Variants in CERT1 observed in about 807,000 individuals in gnomAD.
The protein encoded by CERT1 is ceramide transfer protein.
A neutral mutation model predicts 87.9 loss-of-function variants in CERT1; 31 were observed. That is an observed-to-expected ratio of 0.35 (90% confidence interval 0.27 to 0.48). The LOEUF (loss-of-function observed/expected upper bound fraction) is 0.48. Ranked by LOEUF, CERT1 falls within the 20% of genes least tolerant of loss-of-function variation. The pLI, the probability that CERT1 is intolerant of heterozygous loss-of-function variation, is 0.99. For missense variants in CERT1, 487 were observed against 758.0 expected, an observed-to-expected ratio of 0.64 and a Z score of 4.20; for synonymous variants, 289 against 250.9, an observed-to-expected ratio of 1.15 and a Z score of -1.44.
chr5:75,479,580 G>A (rs1050471428), intron 2 of CERT1, among the ~76,000 whole-genome samples: 4 of 152,064 alleles, frequency 2.6e-5, no homozygotes, highest in Admixed American at 2.6e-4. Flanking sequence ...AAGGATAATA[G>A]TCTCCAGCTC....
chr5:75,444,054 C>G (rs1764431875), intron 3 of CERT1, among the ~76,000 whole-genome samples: 1 of 152,070 alleles, frequency 6.6e-6, no homozygotes, highest in African/African-American at 2.4e-5. Context: ...GTCATATAGA[C>G]AGCATATAGT....
At chr5:75,477,807 G>A (rs533774093) in intron 2 of CERT1, among the ~76,000 whole-genome samples, 2 of 152,048 alleles carry the variant, frequency 1.3e-5, no homozygotes, top group South Asian at 4.1e-4. Flanking sequence ...AACTATATGA[G>A]TAGAGCTAAT....
chr5:75,381,317 T>A, intron 15 of CERT1, 116 bp from the exon 16 acceptor site: 1 of 1,166,320 alleles, frequency 8.6e-7, no homozygotes, highest in East Asian at 2.4e-5. Context: ...TCCAGTGAAA[T>A]CTTATAAGCA....
chr5:75,450,504 A>C (rs1764728596), intron 3 of CERT1, among the ~76,000 whole-genome samples: 1 of 152,190 alleles, frequency 6.6e-6, no homozygotes, highest in Non-Finnish European at 1.5e-5. Flanking sequence ...CATAGGGGAA[A>C]CTTACTTCCT....
intron 2 of CERT1, among the ~76,000 whole-genome samples, chr5:75,492,020 G>A (rs184811834): frequency 3.9e-5 from 6 of 152,162 alleles, no homozygotes; most frequent in Non-Finnish European, 7.4e-5. Flanking sequence ...ACATGTCATA[G>A]TTGCTCAGTC....
At chr5:75,435,695 G>T (rs973487078) in intron 3 of CERT1, among the ~76,000 whole-genome samples, 1 of 152,170 alleles carries the variant, frequency 6.6e-6, no homozygotes, top group African/African-American at 2.4e-5. Flanking sequence ...GGGGGCCAAG[G>T]CTTAGTTCAG....
rs1218894293 is a variant in CERT1, at chr5:75,436,662, T to A, written c.349-10184A>T. On this transcript the variant is annotated intron_variant, in intron 3 of 16. Transcript: ENST00000643780. ...GATTCATTTCTAAGCAAAATTGGAATGTCTTTTGAAATATAATAATACCCC... is the reference window on the plus strand; with the variant it reads ...GATTCATTTCTAAGCAAAATTGGAAAGTCTTTTGAAATATAATAATACCCC... 2.6e-5 allele frequency among the ~76,000 whole-genome samples: 4 copies of A among 152,246 alleles called. No individual in the cohort carries two copies. The East Asian group carries it at 7.7e-4, about 29-fold the overall frequency.
intron 6 of CERT1, among the ~76,000 whole-genome samples, 173 bp from the exon 7 acceptor site, chr5:75,417,206 A>C (rs1462757645): frequency 2.0e-5 from 3 of 152,176 alleles, no homozygotes; most frequent in African/African-American, 7.2e-5. Flanking sequence ...TAAGCAAAGA[A>C]GCTTCGTGGC....
chr5:75,398,694 G>A (rs1026305393), intron 11 of CERT1, among the ~76,000 whole-genome samples: 2 of 152,112 alleles, frequency 1.3e-5, no homozygotes, highest in Non-Finnish European at 2.9e-5. Context: ...TTTAGAGACC[G>A]CAAGCATCCA....
intron 2 of CERT1, among the ~76,000 whole-genome samples, chr5:75,479,965 C>A (rs1766154659): frequency 2.0e-5 from 3 of 152,092 alleles, no homozygotes; most frequent in Admixed American, 2.0e-4. Flanking sequence ...TGTTTTTTGA[C>A]TTTTTAATAA....
Position 75,423,625 on chromosome 5 carries a change from T to C in CERT1, c.595+1736A>G, listed in dbSNP as rs1763480789. ...ATATGACGGTGTATGCCTGTAGTCC[T>C]AGCCAGTTCGGAAGTTGAGGCAGGA... On this transcript the variant is annotated intron_variant, in intron 5 of 16. Coordinates refer to ENST00000643780, the MANE Select transcript of CERT1 (RefSeq NM_001379029.1). 2.0e-5 allele frequency among the ~76,000 whole-genome samples: 3 copies of C among 152,250 alleles called. No homozygotes were observed. In the South Asian group the frequency reaches 6.2e-4, roughly 31 times the overall value.
intron 11 of CERT1, among the ~76,000 whole-genome samples, chr5:75,392,309 A>G (rs1007686417): frequency 2.0e-4 from 30 of 152,232 alleles, no homozygotes; most frequent in African/African-American, 7.2e-4. Flanking sequence ...TTCCTGTAAC[A>G]GCTACACTGC....
Position 75,463,380 on chromosome 5 carries a change from C to T in CERT1, c.232-4199G>A, listed in dbSNP as rs541546596. On this transcript the variant is annotated intron_variant, in intron 2 of 16. Coordinates refer to ENST00000643780, the MANE Select transcript of CERT1 (RefSeq NM_001379029.1). Reference sequence around the variant, plus strand: ...CTATGATTTCAACCCTCCCGAAGAACCAAGTATCACCACCACTAAGAATGC... The same window carrying T: ...CTATGATTTCAACCCTCCCGAAGAATCAAGTATCACCACCACTAAGAATGC... Among the ~76,000 whole-genome samples the T allele has an allele frequency of 3.9e-5, 6 of 152,142 alleles. No homozygotes were observed. The South Asian group carries it at 1.2e-3, about 32-fold the overall frequency.
At chr5:75,478,329 AAAAAG>A (rs1388344424) in intron 2 of CERT1, among the ~76,000 whole-genome samples, 95 of 152,218 alleles carry the variant, frequency 6.2e-4, no homozygotes, top group Middle Eastern at 3.4e-3. Flanking sequence ...AAAAAATAAA[AAAAAG>A]AAAAGAAAAG....
chr5:75,455,502 A>T (rs978099848), intron 3 of CERT1, among the ~76,000 whole-genome samples: 6 of 152,204 alleles, frequency 3.9e-5, no homozygotes, highest in African/African-American at 1.4e-4. Context: ...GATTTAAAAA[A>T]TCATGGTCCA....
chr5:75,446,653 GTTAT>G (rs1764548618), intron 3 of CERT1, among the ~76,000 whole-genome samples: 1 of 152,050 alleles, frequency 6.6e-6, no homozygotes, highest in South Asian at 2.1e-4. Flanking sequence ...CTCAGGGTTT[GTTAT>G]TTGTTATTGT....
intron 2 of CERT1, among the ~76,000 whole-genome samples, chr5:75,472,805 C>T (rs1765772488): frequency 6.6e-6 from 1 of 152,026 alleles, no homozygotes; most frequent in African/African-American, 2.4e-5. Flanking sequence ...TCCTCCTACA[C>T]TTGTTGGTAA....
chr5:75,454,201 T>C (rs1764874918), intron 3 of CERT1, among the ~76,000 whole-genome samples: 1 of 152,172 alleles, frequency 6.6e-6, no homozygotes, highest in African/African-American at 2.4e-5. Context: ...GTGCTGAGGG[T>C]ATGGTAACAC....
At chr5:75,418,572 C>A (rs988947615) in intron 6 of CERT1, among the ~76,000 whole-genome samples, 1 of 152,140 alleles carries the variant, frequency 6.6e-6, no homozygotes, top group Non-Finnish European at 1.5e-5. Flanking sequence ...ATAGTCAAAA[C>A]TGTAACCGAC....
Sources: gnomAD v4.1 joint callset for allele counts (sites outside exome capture counted in the v4.1 genomes callset) on GRCh38, gnomAD v4.1.1 for gene constraint, MANE v1.5 for transcripts, NCBI Gene and HGNC (gene_info 2026-07-23, HGNC 2026-07-21) for gene names.